CAST: variants seen among roughly 807,000 people sequenced by gnomAD.
CAST encodes calpastatin.
In CAST, 76 loss-of-function variants were observed where a neutral mutation model predicts 119.6. That is an observed-to-expected ratio of 0.64 (90% CI 0.53 to 0.77). The LOEUF (loss-of-function observed/expected upper bound fraction) is 0.77. CAST is among the 30% of genes least tolerant of loss of function. The pLI is 0.00. For missense variants in CAST, 953 were observed against 946.5 expected (o/e 1.01, Z -0.09); for synonymous variants, 319 against 331.6 (o/e 0.96, Z 0.41).
the CAST span, among the ~76,000 whole-genome samples, chr5:96,473,157 A>AT: frequency 3.5e-4 from 54 of 152,304 alleles, no homozygotes; most frequent in African/African-American, 1.2e-3. Flanking sequence ...ATAAGGTCAC[A>AT]TTCAGAGGTA....
chr5:96,590,116 T>C lies in CAST; in HGVS notation c.60+60236T>C, dbSNP rs535772162. Among the ~76,000 whole-genome samples the C allele has an allele frequency of 2.6e-5, 4 of 152,356 alleles. No individual in the cohort carries two copies. The South Asian group carries it at 8.3e-4, about 32-fold the overall frequency. On this transcript the variant is annotated intron_variant, in intron 1 of 11. Coordinates refer to the CAST transcript ENST00000505143. ...AAATTTCCTGTGACTTGAATTCTTC[T>C]ATAATTTTTCAGAGCAAGTTGTATT...
At chr5:96,771,526 G>A in intron 30 of CAST, 118 bp from the exon 31 acceptor site, 3 of 661,544 alleles carry the variant, frequency 4.5e-6, no homozygotes, top group Non-Finnish European at 7.9e-6. Flanking sequence ...GAAACTGAAA[G>A]GACCATCTTA....
chr5:96,729,841 G>T (rs1041540829), intron 8 of CAST, 116 bp downstream of exon 8: 7 of 623,476 alleles, frequency 1.1e-5, no homozygotes, highest in African/African-American at 9.3e-5. Flanking sequence ...AATATATTTT[G>T]TATTATAGTG....
At chr5:96,581,068 T>C (rs1010178699) in intron 1 of CAST, among the ~76,000 whole-genome samples, 1 of 152,260 alleles carries the variant, frequency 6.6e-6, no homozygotes, top group Non-Finnish European at 1.5e-5. Context: ...AATAAGTTCA[T>C]GTTGTTTATA....
chr5:96,142,627 T>C, the CAST span, among the ~76,000 whole-genome samples: 1 of 152,220 alleles, frequency 6.6e-6, no homozygotes, highest in South Asian at 2.1e-4. Context: ...TGTCATTGAA[T>C]ATATTTTCTT....
the CAST span, among the ~76,000 whole-genome samples, chr5:96,159,928 C>T: frequency 4.0e-5 from 6 of 149,470 alleles, no homozygotes; most frequent in East Asian, 1.2e-3. Context: ...GAGGTCAGTT[C>T]GAGAGCAGCC....
Position 96,774,600 on chromosome 5 carries a change from G to A in CAST, c.*1984G>A. Reference sequence around the variant, plus strand: ...AAGCAAACAAAGATAGGTTCCTCAGGTGACCAAAACTGAAAATCAATATTT... The same window carrying A: ...AAGCAAACAAAGATAGGTTCCTCAGATGACCAAAACTGAAAATCAATATTT... On this transcript the variant is annotated 3_prime_UTR_variant, in exon 32 of 32. Transcript: ENST00000675179. 15 of 985,458 alleles carry A rather than the reference G, an allele frequency of 1.5e-5. No homozygotes were observed. The highest frequency in any genetic ancestry group is 4.7e-5 in the South Asian group (1 of 21,288). 61.0% of individuals were successfully genotyped at this position (985,458 alleles called of 1,614,324 possible). A position where few individuals can be genotyped will look rare whatever the true frequency, so the allele number is the denominator to read the frequency against.
At chr5:96,162,490 T>C in the CAST span, among the ~76,000 whole-genome samples, 2 of 152,182 alleles carry the variant, frequency 1.3e-5, no homozygotes, top group Non-Finnish European at 2.9e-5. Flanking sequence ...TGATCTTGGC[T>C]CACTGCAACT....
chr5:96,074,529 T>C, the CAST span, among the ~76,000 whole-genome samples: 1 of 152,192 alleles, frequency 6.6e-6, no homozygotes, highest in South Asian at 2.1e-4. Flanking sequence ...ATCTCAGACT[T>C]CCAGCTGATG....
chr5:96,238,091 A>C, the CAST span, among the ~76,000 whole-genome samples: 1 of 152,138 alleles, frequency 6.6e-6, no homozygotes, highest in Admixed American at 6.5e-5. Context: ...CTTCAGAAAA[A>C]TAGAAACAAG....
the CAST span, among the ~76,000 whole-genome samples, chr5:96,250,827 T>C: frequency 6.6e-6 from 1 of 152,170 alleles, no homozygotes; most frequent in Non-Finnish European, 1.5e-5. Context: ...CATCTGTCTC[T>C]GGAAAGTTGA....
chr5:96,573,977 T>A (rs1580830689), intron 1 of CAST, among the ~76,000 whole-genome samples: 1 of 152,002 alleles, frequency 6.6e-6, no homozygotes, highest in Non-Finnish European at 1.5e-5. Context: ...AGTATTCCAT[T>A]GGAAATACAC....
the CAST span, among the ~76,000 whole-genome samples, chr5:95,983,702 T>C: frequency 6.6e-6 from 1 of 152,348 alleles, no homozygotes; most frequent in African/African-American, 2.4e-5. Flanking sequence ...CATATGTGTG[T>C]ACATATTTAT....
chr5:96,534,718 A>AAGGAAGGAAGGAAGGAAGGG (rs879669517), intron 1 of CAST, among the ~76,000 whole-genome samples: 2 of 20,432 alleles, frequency 9.8e-5, no homozygotes, highest in Non-Finnish European at 1.9e-4. Flanking sequence ...AAGGAAGGAG[A>AAGGAAGGAAGGAAGGAAGGG]GAGAGAGAGA....
At chr5:96,425,766 A>T in the CAST span, 2 of 967,690 alleles carry the variant, frequency 2.1e-6, no homozygotes, top group Non-Finnish European at 3.4e-6. Flanking sequence ...ATGTAACAAC[A>T]TAAAGAAGCC....
chr5:96,271,826 A>G, the CAST span, among the ~76,000 whole-genome samples: 3 of 152,228 alleles, frequency 2.0e-5, no homozygotes, highest in Non-Finnish European at 4.4e-5. Flanking sequence ...CAGACACCTC[A>G]CAGAATGGGA....
chr5:96,367,443 A>G, the CAST span, among the ~76,000 whole-genome samples: 1 of 152,096 alleles, frequency 6.6e-6, no homozygotes, highest in Non-Finnish European at 1.5e-5. Context: ...AGAGGCAGGG[A>G]GTCCTCCTTG....
chr5:96,454,541 A>T, the CAST span, among the ~76,000 whole-genome samples: 1,385 of 152,314 alleles, frequency 9.1e-3, 21 homozygotes, highest in African/African-American at 0.032. Context: ...TGCTAGAGGC[A>T]GTGGTGCAGT....
chr5:96,279,838 T>C, the CAST span, among the ~76,000 whole-genome samples: 1 of 152,256 alleles, frequency 6.6e-6, no homozygotes, highest in East Asian at 1.9e-4. Context: ...ACCCAGCCTG[T>C]AGGAGTTCAT....
Sources: gnomAD v4.1 joint callset for allele counts (sites outside exome capture counted in the v4.1 genomes callset) on GRCh38, gnomAD v4.1.1 for gene constraint, MANE v1.5 for transcripts, NCBI Gene and HGNC (gene_info 2026-07-23, HGNC 2026-07-21) for gene names.